Variants in ARFGEF2 observed in about 807,000 individuals in gnomAD.
ARFGEF2 encodes the protein brefeldin A-inhibited guanine nucleotide-exchange protein 2.
In ARFGEF2, 74 loss-of-function variants were observed where a neutral mutation model predicts 219.9. The observed-to-expected ratio is 0.34, with a 90% CI of 0.28 to 0.41. The LOEUF (loss-of-function observed/expected upper bound fraction) is 0.41, where lower values mean the gene tolerates loss of function less well. Ranked by LOEUF, ARFGEF2 falls within the 10% of genes least tolerant of loss-of-function variation. ARFGEF2 has a pLI of 1.00. For synonymous variants in ARFGEF2, 733 were observed against 799.2 expected (o/e 0.92, Z 1.40); for missense variants, 1,743 against 2,218.3 (o/e 0.79, Z 4.30).
chr20:48,962,479 T>G (rs1042225287), intron 6 of ARFGEF2, among the ~76,000 whole-genome samples: 3 of 152,146 alleles, frequency 2.0e-5, no homozygotes, highest in Admixed American at 1.3e-4. Context: ...ACAGTATATT[T>G]AAAATACATA....
At chr20:48,980,596 A>G (rs963692730) in intron 14 of ARFGEF2, among the ~76,000 whole-genome samples, 1 of 152,186 alleles carries the variant, frequency 6.6e-6, no homozygotes, top group Non-Finnish European at 1.5e-5. Context: ...AAAGTCTCCC[A>G]GTATTTTTGT....
chr20:48,998,535 G>GT (rs2091405284), intron 25 of ARFGEF2, 30 bp downstream of exon 25: 5 of 1,521,180 alleles, frequency 3.3e-6, no homozygotes, highest in South Asian at 2.4e-5. Flanking sequence ...AACCATTCCT[G>GT]TTAAAAAAAA....
intron 1 of ARFGEF2, among the ~76,000 whole-genome samples, chr20:48,930,320 C>CA (rs2090905291): frequency 6.6e-6 from 1 of 152,254 alleles, no homozygotes. Flanking sequence ...CTTACACCAT[C>CA]ACAGTGGCAA....
chr20:48,952,993 T>G, intron 5 of ARFGEF2, 109 bp downstream of exon 5: 1 of 1,154,456 alleles, frequency 8.7e-7, no homozygotes, highest in Non-Finnish European at 1.3e-6. Flanking sequence ...AAGCTACCCC[T>G]TCTTCCTGTG....
intron 36 of ARFGEF2, among the ~76,000 whole-genome samples, chr20:49,028,023 C>T (rs978720639): frequency 4.0e-5 from 6 of 151,870 alleles, no homozygotes; most frequent in Non-Finnish European, 7.4e-5. Context: ...TTTGGGAGGC[C>T]GAGGCAGGCA....
At chr20:48,939,277 G>A (rs2090979814) in intron 1 of ARFGEF2, among the ~76,000 whole-genome samples, 1 of 152,026 alleles carries the variant, frequency 6.6e-6, no homozygotes, top group African/African-American at 2.4e-5. Flanking sequence ...CTGGCCTATA[G>A]TGGCATTTCA....
chr20:48,996,546 G>A (rs577260068), intron 23 of ARFGEF2, among the ~76,000 whole-genome samples: 20 of 151,842 alleles, frequency 1.3e-4, no homozygotes, highest in Admixed American at 1.2e-3. Context: ...AGACCATCCT[G>A]GCCAACATGG....
intron 2 of ARFGEF2, 105 bp from the exon 3 acceptor site, chr20:48,941,759 A>G: frequency 6.5e-7 from 1 of 1,530,984 alleles, no homozygotes; most frequent in Non-Finnish European, 9.0e-7. Flanking sequence ...CCCAGGATAT[A>G]GTTTGCAGGC....
chr20:49,018,450 G>A (rs1420087554), intron 33 of ARFGEF2, among the ~76,000 whole-genome samples: 1 of 152,142 alleles, frequency 6.6e-6, no homozygotes, highest in Non-Finnish European at 1.5e-5. Context: ...TGACCAGGCT[G>A]GTCTTGAACT....
intron 21 of ARFGEF2, among the ~76,000 whole-genome samples, chr20:48,993,629 C>T (rs144100717): frequency 4.3e-3 from 653 of 152,212 alleles, no homozygotes; most frequent in African/African-American, 0.015. Flanking sequence ...TGTGCCATTC[C>T]TTGGTAAGTT....
chr20:48,969,069 T>C, intron 8 of ARFGEF2, 78 bp from the exon 9 acceptor site: 1 of 1,511,912 alleles, frequency 6.6e-7, no homozygotes, highest in East Asian at 2.3e-5. Context: ...CAGTGGATCC[T>C]CCTGCCTCAG....
Position 49,034,266 on chromosome 20 carries a change from C to T in ARFGEF2, c.*1067C>T, listed in dbSNP as rs192443767. 18 of 152,356 alleles carry T rather than the reference C, an allele frequency of 1.2e-4. No individual in the cohort carries two copies. The highest frequency in any genetic ancestry group is 3.3e-4 in the Admixed American group (5 of 15,290). The allele number at this position is 152,356 out of a possible 1,614,324, so 9.4% of individuals were successfully genotyped here. ...GTCATGGGTGGAACTGGAGCTGTGT[C>T]GGGGCCAGCACAGCTGAACTGTGAC... On this transcript the variant is annotated 3_prime_UTR_variant, in exon 39 of 39. Coordinates refer to ENST00000371917, the MANE Select transcript of ARFGEF2 (RefSeq NM_006420.3).
chr20:48,972,086 A>G (rs2091231971), intron 10 of ARFGEF2, among the ~76,000 whole-genome samples: 1 of 152,190 alleles, frequency 6.6e-6, no homozygotes, highest in Admixed American at 6.5e-5. Context: ...TTTCTCTCCA[A>G]AAAGTCACAG....
At chr20:48,973,024 G>A (rs1480596297) in intron 11 of ARFGEF2, 121 bp from the exon 12 acceptor site, 1 of 1,089,136 alleles carries the variant, frequency 9.2e-7, no homozygotes, top group Admixed American at 1.8e-5. Flanking sequence ...TTTCCTGAGT[G>A]AGATGTGGCC....
At chr20:48,930,414 G>A (rs906602709) in intron 1 of ARFGEF2, among the ~76,000 whole-genome samples, 3 of 152,194 alleles carry the variant, frequency 2.0e-5, no homozygotes, top group Non-Finnish European at 4.4e-5. Flanking sequence ...TTGGTGGCCT[G>A]GACTAGTGGT....
chr20:48,979,163 T>C (rs536321973), intron 14 of ARFGEF2, among the ~76,000 whole-genome samples: 43 of 152,332 alleles, frequency 2.8e-4, no homozygotes, highest in Admixed American at 2.4e-3. Context: ...GTACCTAGTT[T>C]ATTGAGAGTT....
intron 18 of ARFGEF2, 133 bp from the exon 19 acceptor site, chr20:48,989,152 A>G: frequency 3.9e-6 from 4 of 1,035,334 alleles, no homozygotes; most frequent in Admixed American, 3.9e-5. Flanking sequence ...GGTAATAATA[A>G]TATTTGTAAT....
At chr20:48,980,566 A>G (rs888053620) in intron 14 of ARFGEF2, among the ~76,000 whole-genome samples, 3 of 152,118 alleles carry the variant, frequency 2.0e-5, no homozygotes, top group African/African-American at 2.4e-5. Flanking sequence ...TGATCTGTCT[A>G]ATATTGACAG....
At chr20:48,966,343 C>A (rs1420213440) in intron 8 of ARFGEF2, among the ~76,000 whole-genome samples, 3 of 152,186 alleles carry the variant, frequency 2.0e-5, no homozygotes, top group Non-Finnish European at 4.4e-5. Flanking sequence ...GTCTTTCCTT[C>A]TCTGTATTGA....
Sources: allele counts gnomAD v4.1 joint callset (sites outside exome capture counted in the v4.1 genomes callset), GRCh38; gene constraint gnomAD v4.1.1; transcripts MANE v1.5; gene names NCBI Gene and HGNC (gene_info 2026-07-23, HGNC 2026-07-21).